The following SLC35F3 variants were observed in gnomAD, a reference collection of about 807,000 sequenced individuals.
SLC35F3 encodes solute carrier family 35 member F3.
SLC35F3 carries 25 observed loss-of-function variants against 49.9 expected under a neutral mutation model. The ratio of observed to expected loss-of-function variants is 0.50; its 90% CI spans 0.37 to 0.70. The LOEUF is 0.70. Ranked by LOEUF, SLC35F3 falls within the 30% of genes least tolerant of loss-of-function variation. SLC35F3 has a pLI of 0.00. For missense variants in SLC35F3, 525 were observed against 639.8 expected (o/e 0.82, Z 1.94); for synonymous variants, 275 against 265.4 (o/e 1.04, Z -0.35).
At chr1:233,998,687 A>T (rs1397382242) in intron 2 of SLC35F3, among the ~76,000 whole-genome samples, 1 of 152,044 alleles carries the variant, frequency 6.6e-6, no homozygotes, top group Non-Finnish European at 1.5e-5. Flanking sequence ...GAATGTGGCT[A>T]GTCTTATTAA....
At chr1:233,981,479 C>T (rs547849557) in intron 2 of SLC35F3, among the ~76,000 whole-genome samples, 20 of 152,238 alleles carry the variant, frequency 1.3e-4, no homozygotes, top group Non-Finnish European at 2.4e-4. Context: ...ATCCAAGTCA[C>T]GTGGTGCAGG....
chr1:234,009,793 A>G (rs1179918598), intron 2 of SLC35F3, among the ~76,000 whole-genome samples: 1 of 152,212 alleles, frequency 6.6e-6, no homozygotes, highest in Non-Finnish European at 1.5e-5. Context: ...CAATATGACT[A>G]TCAGCAGATT....
At position 234,093,775 on chromosome 1, in the gene SLC35F3, C is replaced by T. The variant is rs184760714; in HGVS notation, c.284-137642C>T. On this transcript the variant is annotated intron_variant, in intron 2 of 7. Coordinates refer to ENST00000366618, the MANE Select transcript of SLC35F3 (RefSeq NM_173508.4). ...GTCTAGCCAAGAAAGAAAGGAAATG[C>T]CAGCCTCCTAAATATGCTGTGGACA... is the stretch of plus-strand genomic sequence containing the variant. Among the ~76,000 whole-genome samples, 715 of 152,332 alleles carry T rather than the reference C, an allele frequency of 4.7e-3. 4 individuals are homozygous for T. Among genetic ancestry groups the T allele is most frequent in the African/African-American group, 0.016 (678 of 41,570 alleles).
rs1426318805 is a variant in SLC35F3, at chr1:234,182,767, A to G, written c.284-48650A>G. ...ACTTTGGGATTTTTTCCAATTTGAT[A>G]AATGAGAAATCATATTAGTGCAGTT... is the stretch of plus-strand genomic sequence containing the variant. On this transcript the variant is annotated intron_variant, in intron 2 of 7. Coordinates refer to ENST00000366618, the MANE Select transcript of SLC35F3 (RefSeq NM_173508.4). Among the ~76,000 whole-genome samples the G allele has an allele frequency of 2.0e-5, 3 of 152,204 alleles. No individual in the cohort carries two copies. The East Asian group carries it at 5.8e-4, about 29-fold the overall frequency.
chr1:234,063,135 C>T (rs1220067016), intron 2 of SLC35F3, among the ~76,000 whole-genome samples: 8 of 152,110 alleles, frequency 5.3e-5, no homozygotes, highest in South Asian at 2.1e-4. Flanking sequence ...GTAGAGCCTC[C>T]GTCCTGTTCC....
intron 2 of SLC35F3, among the ~76,000 whole-genome samples, chr1:234,000,348 T>C (rs1468457047): frequency 3.9e-5 from 6 of 152,226 alleles, no homozygotes; most frequent in Admixed American, 3.9e-4. Context: ...AGGTTTGATA[T>C]TGACATTACC....
chr1:234,247,425 T>A (rs964699639), intron 3 of SLC35F3, among the ~76,000 whole-genome samples: 1 of 150,544 alleles, frequency 6.6e-6, no homozygotes, highest in Admixed American at 6.6e-5. Context: ...TTTGGTGGGT[T>A]GGTTGGTTGG....
chr1:233,956,951 GC>G (rs1180976352), intron 2 of SLC35F3, among the ~76,000 whole-genome samples: 1 of 152,242 alleles, frequency 6.6e-6, no homozygotes, highest in Non-Finnish European at 1.5e-5. Context: ...CAAATGGCAA[GC>G]CGTGACCATG....
At chr1:234,012,325 C>T (rs1207794744) in intron 2 of SLC35F3, among the ~76,000 whole-genome samples, 1 of 152,192 alleles carries the variant, frequency 6.6e-6, no homozygotes, top group African/African-American at 2.4e-5. Flanking sequence ...GAGACAGTGG[C>T]CTTCCTCTAT....
intron 2 of SLC35F3, among the ~76,000 whole-genome samples, chr1:234,113,271 A>G (rs1403102609): frequency 6.6e-6 from 1 of 152,176 alleles, no homozygotes; most frequent in Non-Finnish European, 1.5e-5. Flanking sequence ...AAGAATCAGG[A>G]TGGAGCCAGG....
chr1:233,927,327 C>T (rs75652622), intron 2 of SLC35F3, among the ~76,000 whole-genome samples: 7,397 of 152,152 alleles, frequency 0.049, 590 homozygotes, highest in African/African-American at 0.17. Context: ...TAGGAATGAG[C>T]TTAACTCATT....
intron 3 of SLC35F3, among the ~76,000 whole-genome samples, chr1:234,307,040 G>A (rs147886810): frequency 4.7e-4 from 72 of 152,268 alleles, no homozygotes; most frequent in African/African-American, 1.7e-3. Context: ...GCATCACTTT[G>A]TAGCCACCAT....
intron 2 of SLC35F3, among the ~76,000 whole-genome samples, chr1:234,156,772 TTAAG>T (rs1485623601): frequency 6.6e-6 from 1 of 152,170 alleles, no homozygotes; most frequent in Non-Finnish European, 1.5e-5. Context: ...ATACTTTTTA[TTAAG>T]TAATAAAAAG....
At chr1:233,925,363 A>T (rs775580808) in intron 2 of SLC35F3, among the ~76,000 whole-genome samples, 8 of 152,060 alleles carry the variant, frequency 5.3e-5, no homozygotes, top group Non-Finnish European at 8.8e-5. Flanking sequence ...CTTCTTGTTG[A>T]ATTGATCCCT....
At chr1:234,291,626 A>C (rs1011759097) in intron 3 of SLC35F3, among the ~76,000 whole-genome samples, 2 of 151,932 alleles carry the variant, frequency 1.3e-5, no homozygotes, top group Non-Finnish European at 2.9e-5. Flanking sequence ...GGCAGGTCTC[A>C]CTCTGTTGCC....
chr1:234,235,881 C>T (rs556268592), intron 3 of SLC35F3, among the ~76,000 whole-genome samples: 7 of 152,242 alleles, frequency 4.6e-5, no homozygotes, highest in African/African-American at 9.6e-5. Context: ...GGAACCATAT[C>T]GGGTCTTGCA....
At chr1:234,068,985 C>CTAT (rs1212956683) in intron 2 of SLC35F3, among the ~76,000 whole-genome samples, 10,786 of 36,502 alleles carry the variant, frequency 0.3, 1,410 homozygotes, top group East Asian at 0.39. Context: ...AATTTTACTA[C>CTAT]ATATAATATA....
Position 234,259,424 on chromosome 1 carries a change from T to C in SLC35F3, c.608+27683T>C, listed in dbSNP as rs541643404. On this transcript the variant is annotated intron_variant, in intron 3 of 7. Transcript: ENST00000366618. ...CAGACGGCCACACACATAACTGAGC[T>C]GCTAAGTAGAAAGTTCCAGGATGCT... Among the ~76,000 whole-genome samples the C allele has an allele frequency of 1.2e-4, 18 of 152,326 alleles. No individual in the cohort carries two copies. In the South Asian group the frequency reaches 3.5e-3, roughly 30 times the overall value.
intron 2 of SLC35F3, among the ~76,000 whole-genome samples, chr1:234,194,795 A>G (rs930147446): frequency 3.3e-5 from 5 of 152,156 alleles, no homozygotes; most frequent in African/African-American, 1.2e-4. Context: ...ATTCACCTCC[A>G]ACACATCCTG....
Sources: gnomAD v4.1 joint callset for allele counts (sites outside exome capture counted in the v4.1 genomes callset) on GRCh38, gnomAD v4.1.1 for gene constraint, MANE v1.5 for transcripts, NCBI Gene and HGNC (gene_info 2026-07-23, HGNC 2026-07-21) for gene names.